The following GFRAL variants were observed in gnomAD, a reference collection of about 807,000 sequenced individuals.
The protein encoded by GFRAL is GDNF family receptor alpha-like.
Under a neutral mutation model 45.4 loss-of-function variants are expected in GFRAL, and 36 were observed. The ratio of observed to expected loss-of-function variants is 0.79; its 90% CI spans 0.61 to 1.05. GFRAL has a LOEUF of 1.05. GFRAL is among the 50% of genes least tolerant of loss of function. The pLI is 0.00. For missense variants in GFRAL, 507 were observed against 467.5 expected, an observed-to-expected ratio of 1.08 and a Z score of -0.78; for synonymous variants, 166 against 154.1, an observed-to-expected ratio of 1.08 and a Z score of -0.57.
chr6:55,345,602 C>G (rs1015611064), intron 3 of GFRAL, among the ~76,000 whole-genome samples: 2 of 152,136 alleles, frequency 1.3e-5, no homozygotes, highest in African/African-American at 2.4e-5. Flanking sequence ...TAGAAGAAAA[C>G]CTAGGCAATA....
At chr6:55,396,836 A>G (rs1455600032) in intron 6 of GFRAL, among the ~76,000 whole-genome samples, 1 of 150,584 alleles carries the variant, frequency 6.6e-6, no homozygotes, top group Non-Finnish European at 1.5e-5. Context: ...TTACTTTTAC[A>G]TTCTTAAGTG....
At chr6:55,361,833 G>A (rs2055445) in intron 6 of GFRAL, among the ~76,000 whole-genome samples, 53,420 of 151,808 alleles carry the variant, frequency 0.35, 10,246 homozygotes, top group Middle Eastern at 0.48. Flanking sequence ...AAACCCTTTA[G>A]CTTCTGCTTT....
intron 6 of GFRAL, among the ~76,000 whole-genome samples, chr6:55,361,356 G>C (rs1422224583): frequency 6.6e-6 from 1 of 151,726 alleles, no homozygotes; most frequent in Non-Finnish European, 1.5e-5. Flanking sequence ...GATATAAAAT[G>C]GTGTAGTATT....
At chr6:55,336,125 G>T (rs892307575) in intron 3 of GFRAL, among the ~76,000 whole-genome samples, 15 of 152,020 alleles carry the variant, frequency 9.9e-5, no homozygotes, top group African/African-American at 7.2e-5. Flanking sequence ...TGTATTTTTA[G>T]TAGAAACGGG....
At chr6:55,327,634 A>G in intron 1 of GFRAL, 58 bp downstream of exon 1, 1 of 1,489,906 alleles carries the variant, frequency 6.7e-7, no homozygotes, top group Admixed American at 1.7e-5. Context: ...TTCTTTGTAA[A>G]CTGAATACCA....
chr6:55,336,209 G>C (rs1767889251), intron 3 of GFRAL, among the ~76,000 whole-genome samples: 1 of 152,166 alleles, frequency 6.6e-6, no homozygotes, highest in Admixed American at 6.5e-5. Flanking sequence ...TTCCAAAAGT[G>C]CTGGGATTAC....
At chr6:55,334,045 T>G (rs1026832987) in intron 3 of GFRAL, 101 bp downstream of exon 3, 1 of 771,510 alleles carries the variant, frequency 1.3e-6, no homozygotes, top group African/African-American at 1.8e-5. Context: ...TTTTGTAATT[T>G]GATTAATTCT....
intron 6 of GFRAL, among the ~76,000 whole-genome samples, chr6:55,361,590 G>A (rs1308069929): frequency 6.6e-6 from 1 of 151,754 alleles, no homozygotes; most frequent in Non-Finnish European, 1.5e-5. Context: ...GAACTCACAG[G>A]TATGGAGTGA....
At chr6:55,396,871 G>A (rs2127367155) in intron 6 of GFRAL, among the ~76,000 whole-genome samples, 1 of 150,296 alleles carries the variant, frequency 6.7e-6, no homozygotes, top group South Asian at 2.1e-4. Flanking sequence ...CTAACAAGGG[G>A]GAAGCTTTTT....
chr6:55,360,508 C>A (rs6934280), intron 6 of GFRAL, among the ~76,000 whole-genome samples: 24,754 of 151,768 alleles, frequency 0.16, 2,333 homozygotes, highest in African/African-American at 0.25. Context: ...AGCCAATGTG[C>A]TAAAAATTGT....
intron 1 of GFRAL, among the ~76,000 whole-genome samples, chr6:55,328,456 T>A (rs1262237212): frequency 1.3e-5 from 2 of 151,366 alleles, no homozygotes; most frequent in African/African-American, 2.4e-5. Flanking sequence ...AAAAGGAGAG[T>A]CATATCAAGT....
In GFRAL at chr6:55,331,828, G is replaced by A. The variant is rs532430727; in HGVS notation, c.136G>A (p.Glu46Lys). ...NGCKHAWRVM[E>K]DACNDSDPGD... ...ATGTAAACATGCTTGGAGAGTAATG[G>A]AAGATGCCTGCAATGATTCAGGTAA... Residue 46 changes from glutamate (E) to lysine (K), a missense_variant, in exon 2 of 9, where the codon GAA becomes AAA. Glu to Lys is a moderately conservative substitution (Grantham distance 56). Transcript: ENST00000340465. The A allele has an allele frequency of 1.9e-6, 3 of 1,610,336 alleles. No homozygotes were observed. Among genetic ancestry groups the A allele is most frequent in the South Asian group, 2.2e-5 (2 of 90,012 alleles).
intron 6 of GFRAL, among the ~76,000 whole-genome samples, chr6:55,396,764 G>A (rs1259545936): frequency 4.6e-5 from 7 of 151,184 alleles, no homozygotes; most frequent in Non-Finnish European, 8.8e-5. Context: ...CAACTTTATA[G>A]TGAATATAAA....
chr6:55,385,425 A>G (rs753688202), intron 6 of GFRAL, among the ~76,000 whole-genome samples: 5 of 152,110 alleles, frequency 3.3e-5, no homozygotes, highest in South Asian at 2.1e-4. Flanking sequence ...ATTGACTGCT[A>G]TGTGTCAGAC....
chr6:55,333,897 A>G lies in GFRAL; in HGVS notation c.269A>G (p.Tyr90Cys), dbSNP rs867799076. ...GAGTGTCTTTGCACTGATGACTTCT[A>G]TTGTACTGTGAACAAACTGCTTGGA... ...FKECLCTDDF[Y>C]CTVNKLLGKK... Residue 90 changes from tyrosine (Y) to cysteine (C), a missense_variant, in exon 3 of 9, where the codon TAT (tyrosine) becomes TGT (cysteine). Tyr to Cys is a radical substitution (Grantham distance 194). Coordinates refer to ENST00000340465, the MANE Select transcript of GFRAL (RefSeq NM_207410.2). The G allele has an allele frequency of 1.7e-5, 27 of 1,602,676 alleles. No individual in the cohort carries two copies. In the African/African-American group the frequency reaches 2.3e-4, roughly 14 times the overall value.
chr6:55,347,869 A>G (rs554968371), intron 3 of GFRAL, among the ~76,000 whole-genome samples: 47 of 152,272 alleles, frequency 3.1e-4, no homozygotes, highest in African/African-American at 1.1e-3. Flanking sequence ...CCCTCTAAAA[A>G]AGAAATCTCT....
At chr6:55,373,835 A>T (rs534477398) in intron 6 of GFRAL, among the ~76,000 whole-genome samples, 96 of 152,084 alleles carry the variant, frequency 6.3e-4, no homozygotes, top group Admixed American at 1.8e-3. Flanking sequence ...TGCTGCACAG[A>T]TCATCCCATC....
chr6:55,349,150 G>A (rs1768083228), intron 3 of GFRAL, among the ~76,000 whole-genome samples: 2 of 151,624 alleles, frequency 1.3e-5, no homozygotes, highest in Admixed American at 1.3e-4. Flanking sequence ...AATGAGAATA[G>A]CTTGGACAAT....
Position 55,362,606 on chromosome 6 carries a change from G to A in GFRAL, c.952+3468G>A, listed in dbSNP as rs367965797. Among the ~76,000 whole-genome samples the A allele has an allele frequency of 6.0e-4, 91 of 152,180 alleles. 1 individual carries two copies. The East Asian group carries it at 0.016, about 28-fold the overall frequency. On this transcript the variant is annotated intron_variant, in intron 6 of 8. Transcript: ENST00000340465. ...GGAAATGAGAGCCATGGAAGAGAGA[G>A]AAGTTGGTTAAGAGACAGAGGACCA...
Sources: allele counts gnomAD v4.1 joint callset (sites outside exome capture counted in the v4.1 genomes callset), GRCh38; gene constraint gnomAD v4.1.1; transcripts MANE v1.5; gene names NCBI Gene and HGNC (gene_info 2026-07-23, HGNC 2026-07-21).